The following GPC6 variants were observed in gnomAD, a reference collection of about 807,000 sequenced individuals.
GPC6 encodes the protein glypican 6.
In GPC6, 14 loss-of-function variants were observed where a neutral mutation model predicts 55.2. The ratio of observed to expected loss-of-function variants is 0.25; its 90% CI spans 0.17 to 0.40. The LOEUF (loss-of-function observed/expected upper bound fraction) is 0.40, where lower values mean the gene tolerates loss of function less well. Among genes scored for constraint, GPC6 ranks in the 10% least tolerant of loss-of-function variants. The probability of loss-of-function intolerance (pLI) is 1.00; values close to 1 mark genes in which losing one functional copy is unlikely to be tolerated. For missense variants in GPC6, 641 were observed against 708.5 expected (o/e 0.90, Z 1.08); for synonymous variants, 278 against 259.6 (o/e 1.07, Z -0.68).
At chr13:94,195,418 A>G (rs147643399) in intron 4 of GPC6, among the ~76,000 whole-genome samples, 23 of 152,238 alleles carry the variant, frequency 1.5e-4, no homozygotes, top group African/African-American at 5.1e-4. Context: ...ATACAAAAGC[A>G]TGTATTATGG....
chr13:93,653,612 G>A (rs369273200), intron 2 of GPC6, among the ~76,000 whole-genome samples: 5 of 118,834 alleles, frequency 4.2e-5, no homozygotes. Flanking sequence ...GTGTGTGTGT[G>A]TACATATATA....
At chr13:93,439,696 A>T (rs1431675380) in intron 1 of GPC6, among the ~76,000 whole-genome samples, 1 of 137,338 alleles carries the variant, frequency 7.3e-6, no homozygotes, top group African/African-American at 3.2e-5. Context: ...TAAATAAAAA[A>T]AATAAAATAA....
intron 4 of GPC6, among the ~76,000 whole-genome samples, chr13:94,255,764 C>T (rs1431840107): frequency 6.6e-6 from 1 of 152,074 alleles, no homozygotes; most frequent in Non-Finnish European, 1.5e-5. Flanking sequence ...AAGAACTTAT[C>T]AGGAAAAGGA....
chr13:93,861,297 T>G (rs1888802484), intron 3 of GPC6, among the ~76,000 whole-genome samples: 1 of 151,520 alleles, frequency 6.6e-6, no homozygotes, highest in Non-Finnish European at 1.5e-5. Context: ...CACTGCATGT[T>G]TTGTGAATAT....
At chr13:93,428,615 T>C (rs1877241551) in intron 1 of GPC6, among the ~76,000 whole-genome samples, 1 of 152,080 alleles carries the variant, frequency 6.6e-6, no homozygotes, top group South Asian at 2.1e-4. Flanking sequence ...TTACGCAGAG[T>C]GCTGTACCTA....
chr13:93,848,022 G>T (rs925347187), intron 3 of GPC6, among the ~76,000 whole-genome samples: 15 of 152,200 alleles, frequency 9.9e-5, no homozygotes, highest in African/African-American at 3.4e-4. Flanking sequence ...TATTGGTCTA[G>T]CAGTTTTTTG....
chr13:93,662,728 A>G (rs954128820), intron 2 of GPC6, among the ~76,000 whole-genome samples: 13 of 152,104 alleles, frequency 8.5e-5, no homozygotes, highest in Non-Finnish European at 1.6e-4. Context: ...TCCACCAAGC[A>G]TGTGTCTCCA....
intron 4 of GPC6, among the ~76,000 whole-genome samples, chr13:94,150,829 T>TATATATATATATATATATATATA: frequency 6.8e-6 from 1 of 146,622 alleles, no homozygotes; most frequent in East Asian, 2.1e-4. Flanking sequence ...TATATATATA[T>TATATATATATATATATATATATA]ATGTTTATTG....
At chr13:94,214,296 T>C (rs969818114) in intron 4 of GPC6, among the ~76,000 whole-genome samples, 2 of 152,226 alleles carry the variant, frequency 1.3e-5, no homozygotes, top group African/African-American at 2.4e-5. Context: ...CGTTCTTTTG[T>C]GAGTTTGTTC....
At chr13:94,185,892 C>T (rs1190595284) in intron 4 of GPC6, among the ~76,000 whole-genome samples, 1 of 151,700 alleles carries the variant, frequency 6.6e-6, no homozygotes, top group Non-Finnish European at 1.5e-5. Flanking sequence ...AACCCTGTCT[C>T]TACTAAAAAT....
chr13:93,219,622 A>G, the GPC6 span, among the ~76,000 whole-genome samples: 32 of 152,212 alleles, frequency 2.1e-4, no homozygotes, highest in Non-Finnish European at 3.7e-4. Flanking sequence ...GTAATTTACA[A>G]TAATATTGAA....
At chr13:93,443,996 T>G in intron 1 of GPC6, among the ~76,000 whole-genome samples, 1 of 152,270 alleles carries the variant, frequency 6.6e-6, no homozygotes, top group Non-Finnish European at 1.5e-5. Context: ...TGGGATTCTA[T>G]TTTTATTCCA....
chr13:93,753,329 C>G (rs1479096287), intron 2 of GPC6, among the ~76,000 whole-genome samples: 1 of 152,124 alleles, frequency 6.6e-6, no homozygotes, highest in Admixed American at 6.6e-5. Flanking sequence ...GTATGTATGT[C>G]TGTGTGTGTG....
At chr13:94,342,632 T>C (rs755532812) in intron 6 of GPC6, among the ~76,000 whole-genome samples, 4 of 152,148 alleles carry the variant, frequency 2.6e-5, no homozygotes, top group Non-Finnish European at 4.4e-5. Context: ...TGTGGGACTT[T>C]CCTGGCAGCC....
intron 3 of GPC6, among the ~76,000 whole-genome samples, chr13:93,972,234 G>T (rs7328576): frequency 0.46 from 70,199 of 152,018 alleles, 16,885 homozygotes; most frequent in Non-Finnish European, 0.52. Context: ...TGGCTGAGCT[G>T]CTCACTAAAA....
chr13:94,104,762 A>T (rs1448112213), intron 4 of GPC6, among the ~76,000 whole-genome samples: 1 of 152,088 alleles, frequency 6.6e-6, no homozygotes, highest in South Asian at 2.1e-4. Context: ...CTTACAAGGG[A>T]TGTGAAGGAC....
At chr13:94,140,044 T>TA (rs1246139658) in intron 4 of GPC6, among the ~76,000 whole-genome samples, 1 of 152,138 alleles carries the variant, frequency 6.6e-6, no homozygotes, top group Non-Finnish European at 1.5e-5. Context: ...TTTTTTTTTT[T>TA]AATAAGCCCA....
At chr13:94,219,091 TC>T (rs1402877488) in intron 4 of GPC6, among the ~76,000 whole-genome samples, 2 of 152,330 alleles carry the variant, frequency 1.3e-5, no homozygotes, top group African/African-American at 4.8e-5. Flanking sequence ...GTCTTTAACT[TC>T]CTTTTTCAAA....
At chr13:94,213,693 G>T (rs1411081499) in intron 4 of GPC6, among the ~76,000 whole-genome samples, 4 of 152,150 alleles carry the variant, frequency 2.6e-5, no homozygotes, top group African/African-American at 9.7e-5. Context: ...GGCAAGGTTA[G>T]ATTGAGCCGA....
Sources: allele counts gnomAD v4.1 joint callset (sites outside exome capture counted in the v4.1 genomes callset), GRCh38; gene constraint gnomAD v4.1.1; transcripts MANE v1.5; gene names NCBI Gene and HGNC (gene_info 2026-07-23, HGNC 2026-07-21).